The following C1orf202 variants were observed in gnomAD, a reference collection of about 807,000 sequenced individuals.
The protein encoded by C1orf202 is uncharacterized protein C1orf202.
the C1orf202 span, chr1:244,730,964 T>C: frequency 5.3e-6 from 2 of 374,324 alleles, no homozygotes; most frequent in Middle Eastern, 6.9e-4. Flanking sequence ...GGCCCACATC[T>C]CGGGAACCGT....
the C1orf202 span, chr1:244,730,127 G>T: frequency 2.3e-5 from 4 of 174,676 alleles, no homozygotes; most frequent in East Asian, 6.3e-4. Context: ...GCAGTGTTTA[G>T]GAAGAGACAA....
At chr1:244,730,253 G>A in the C1orf202 span, 1 of 225,808 alleles carries the variant, frequency 4.4e-6, no homozygotes, top group Non-Finnish European at 8.6e-6. Context: ...ACCAAAGAGA[G>A]GCTGCGAGGA....
chr1:244,730,831 C>A, the C1orf202 span: 1 of 379,018 alleles, frequency 2.6e-6, no homozygotes, highest in African/African-American at 2.1e-5. Flanking sequence ...GATCCCCGCG[C>A]GGAGGGGGGC....
At chr1:244,730,978 G>T in the C1orf202 span, 1 of 362,900 alleles carries the variant, frequency 2.8e-6, no homozygotes, top group Non-Finnish European at 4.9e-6. Context: ...GAACCGTCGG[G>T]CTGGACAACA....
the C1orf202 span, chr1:244,730,483 G>C: frequency 2.9e-6 from 1 of 345,598 alleles, no homozygotes; most frequent in South Asian, 1.3e-4. Context: ...GGCGCGCGGG[G>C]GCGGCCTGCG....
At chr1:244,730,251 G>C in the C1orf202 span, 1 of 225,290 alleles carries the variant, frequency 4.4e-6, no homozygotes, top group Non-Finnish European at 8.6e-6. Context: ...GGACCAAAGA[G>C]AGGCTGCGAG....
chr1:244,729,918 C>G, the C1orf202 span: 1 of 151,966 alleles, frequency 6.6e-6, no homozygotes, highest in Non-Finnish European at 1.5e-5. Flanking sequence ...GCTCAGCATC[C>G]TGCTTTAAAC....
chr1:244,729,733 G>C, the C1orf202 span, among the ~76,000 whole-genome samples: 1 of 152,098 alleles, frequency 6.6e-6, no homozygotes, highest in African/African-American at 2.4e-5. Context: ...ATGAGGAAAA[G>C]GAAGACATTC....
At chr1:244,729,782 GTTC>G in the C1orf202 span, 1 of 152,140 alleles carries the variant, frequency 6.6e-6, no homozygotes, top group African/African-American at 2.4e-5. Flanking sequence ...CTTTCCCTTT[GTTC>G]TTCTAAGTCT....
At chr1:244,730,565 A>G in the C1orf202 span, 2 of 374,434 alleles carry the variant, frequency 5.3e-6, no homozygotes, top group Non-Finnish European at 9.5e-6. Context: ...GTCCAGCACC[A>G]GCAGCGGGAT....
chr1:244,730,841 C>G, the C1orf202 span: 1 of 380,204 alleles, frequency 2.6e-6, no homozygotes, highest in Non-Finnish European at 4.7e-6. Context: ...CGGAGGGGGG[C>G]CCCGCTCCAG....
chr1:244,730,443 G>C, the C1orf202 span: 1 of 350,306 alleles, frequency 2.9e-6, no homozygotes, highest in Non-Finnish European at 5.1e-6. Flanking sequence ...ACGGGGGACC[G>C]GCTCCTCGTG....
the C1orf202 span, chr1:244,730,753 C>T: frequency 2.6e-6 from 1 of 382,136 alleles, no homozygotes; most frequent in East Asian, 3.7e-5. Context: ...GGAACAGCCG[C>T]CGCCAGCACC....
chr1:244,731,012 A>G, the C1orf202 span: 4 of 328,018 alleles, frequency 1.2e-5, no homozygotes, highest in East Asian at 1.4e-4. Context: ...CAGGACTCCA[A>G]AGGGCCCCTC....
chr1:244,730,846 C>T, the C1orf202 span: 1 of 381,180 alleles, frequency 2.6e-6, no homozygotes, highest in Admixed American at 4.5e-5. Context: ...GGGGGCCCCG[C>T]TCCAGGCGCG....
the C1orf202 span, chr1:244,730,653 G>C: frequency 5.2e-6 from 2 of 384,854 alleles, no homozygotes; most frequent in African/African-American, 4.2e-5. Flanking sequence ...AGCAGCCTCT[G>C]CAGGCTCGAG....
the C1orf202 span, chr1:244,730,540 G>A: frequency 8.2e-6 from 3 of 367,642 alleles, no homozygotes; most frequent in Admixed American, 4.6e-5. Context: ...CGGCCTCGTG[G>A]CCGCCCTGCG....
chr1:244,730,665 G>A, the C1orf202 span: 3 of 384,830 alleles, frequency 7.8e-6, no homozygotes, highest in Admixed American at 4.5e-5. Flanking sequence ...AGGCTCGAGG[G>A]GCCCCACAGG....
chr1:244,730,720 G>A, the C1orf202 span: 1 of 384,114 alleles, frequency 2.6e-6, no homozygotes, highest in East Asian at 3.7e-5. Context: ...GAGCTTGCCT[G>A]AGCTTCTTCC....
Sources: allele counts gnomAD v4.1 joint callset (sites outside exome capture counted in the v4.1 genomes callset), GRCh38; gene constraint gnomAD v4.1.1; transcripts MANE v1.5; gene names NCBI Gene and HGNC (gene_info 2026-07-23, HGNC 2026-07-21).